Variants in SZT2 observed in about 807,000 individuals in gnomAD.
SZT2 encodes the protein SZT2 subunit of KICSTOR complex.
In SZT2, 216 loss-of-function variants were observed where a neutral mutation model predicts 404.2. That is an observed-to-expected ratio of 0.53 (90% CI 0.48 to 0.60). The LOEUF (loss-of-function observed/expected upper bound fraction) is 0.60, where lower values mean the gene tolerates loss of function less well. Among genes scored for constraint, SZT2 ranks in the 20% least tolerant of loss-of-function variants. The pLI, the probability that SZT2 is intolerant of heterozygous loss-of-function variation, is 0.00. For synonymous variants in SZT2, 1,693 were observed against 1,749.9 expected (o/e 0.97, Z 0.81); for missense variants, 3,857 against 4,459.2 (o/e 0.86, Z 3.85).
rs1249720523 is a variant in SZT2, at chr1:43,439,977, A to G, written c.7139A>G (p.Gln2380Arg). Residue 2380 changes from glutamine (Q) to arginine (R), a missense_variant, in exon 51 of 72, where the codon CAG becomes CGG. Gln to Arg is a conservative substitution (Grantham distance 43, BLOSUM62 1). Coordinates refer to ENST00000634258, the MANE Select transcript of SZT2 (RefSeq NM_001365999.1). The surrounding 1 kb of genome is among the most constrained non-coding windows in gnomAD (Gnocchi z 4.2). ...LEEKLRGAAR[Q>R]ALADAIIELQ... ...GAGAAACTCCGAGGAGCAGCTCGCCAGGCCCTGGCCGATGCCATCATCGAG... is the reference window on the plus strand; with the variant it reads ...GAGAAACTCCGAGGAGCAGCTCGCCGGGCCCTGGCCGATGCCATCATCGAG... 1.9e-6 allele frequency: 3 copies of G among 1,614,210 alleles called. No homozygotes were observed. Among genetic ancestry groups the G allele is most frequent in the Non-Finnish European group, 2.5e-6 (3 of 1,180,028 alleles).
Position 43,448,407 on chromosome 1 carries a change from C to T in SZT2, c.9892C>T (p.Arg3298Cys), listed in dbSNP as rs764177776. ...GCCTGATCGACTGCGGCTAGGGGGG[C>T]GCCTGGCCCTGGCAGAGCTGGAGGA... is the stretch of plus-strand genomic sequence containing the variant. ...PGPDRLRLGG[R>C]LALAELEELL... The change falls in exon 69 of 72, where the codon CGC (arginine) becomes TGC (cysteine). Residue 3298 changes from arginine to cysteine, a missense_variant. Arg to Cys is a radical substitution (Grantham distance 180). Transcript: ENST00000634258. This position sits in a 1 kb window ranked among gnomAD's most constrained non-coding sequence, Gnocchi z 4.2. 1.1e-5 allele frequency: 17 copies of T among 1,582,050 alleles called. No homozygotes were observed. The highest frequency in any genetic ancestry group is 4.5e-5 in the South Asian group (4 of 88,002).
At position 43,454,040 on chromosome 1, in the gene SZT2, C is replaced by A. The variant is rs1656767828; in HGVS notation, c.*3560C>A. The A allele has an allele frequency of 8.7e-7, 1 of 1,152,222 alleles. No homozygotes were observed. Among genetic ancestry groups the A allele is most frequent in the Non-Finnish European group, 1.1e-6 (1 of 937,914 alleles). 71.4% of individuals were successfully genotyped at this position (1,152,222 alleles called of 1,614,324 possible). On this transcript the variant is annotated 3_prime_UTR_variant, in exon 72 of 72. Coordinates refer to ENST00000634258, the MANE Select transcript of SZT2 (RefSeq NM_001365999.1). Reference sequence around the variant, plus strand: ...GGGCGGCCGGAAAAGGAGCAGGACCCGCGCCTGGAGAAGGTAGGGAGGCCG... The same window carrying A: ...GGGCGGCCGGAAAAGGAGCAGGACCAGCGCCTGGAGAAGGTAGGGAGGCCG...
chr1:43,406,942 A>G (rs1040311033), intron 4 of SZT2: 2 of 152,256 alleles, frequency 1.3e-5, no homozygotes, highest in African/African-American at 4.8e-5. Context: ...AGCCATAGGT[A>G]GCGGAGAACT....
intron 24 of SZT2, 42 bp downstream of exon 24, chr1:43,427,221 AC>A: frequency 6.2e-7 from 1 of 1,606,464 alleles, no homozygotes; most frequent in Non-Finnish European, 8.5e-7. Context: ...TCAGATACAA[AC>A]CCCTGAGCTC....
intron 1 of SZT2, among the ~76,000 whole-genome samples, chr1:43,401,214 T>TA (rs1212615084): frequency 6.6e-6 from 1 of 152,214 alleles, no homozygotes; most frequent in East Asian, 1.9e-4. Context: ...CTTGAACCGT[T>TA]ATGCCCAGCT....
At chr1:43,430,145 A>T in intron 30 of SZT2, 42 bp downstream of exon 30, 1 of 1,609,596 alleles carries the variant, frequency 6.2e-7, no homozygotes, top group Non-Finnish European at 8.5e-7. Flanking sequence ...CCCTCAACCC[A>T]GAGGCCCACC....
intron 1 of SZT2, among the ~76,000 whole-genome samples, chr1:43,397,720 G>A (rs1315461569): frequency 6.6e-6 from 1 of 151,954 alleles, no homozygotes; most frequent in Non-Finnish European, 1.5e-5. Context: ...GTAGAGGTGG[G>A]GTTTCGCCAC....
chr1:43,433,190 G>C lies in SZT2; in HGVS notation c.5804G>C (p.Arg1935Pro), dbSNP rs771676834. The change falls in exon 40 of 72, where the codon CGG becomes CCG. Residue 1935 changes from arginine (R) to proline (P), a missense_variant and splice_region_variant. Coordinates refer to ENST00000634258, the MANE Select transcript of SZT2 (RefSeq NM_001365999.1). ...QDRVEVYAHA[R>P]SLIREDGGPG... ...CGTGTGGAAGTGTATGCACATGCAC[G>C]GTAAGTAGAAGCCAGGGCCTGCACC... 4 of 1,613,086 alleles carry C rather than the reference G, an allele frequency of 2.5e-6. No homozygotes were observed. Among genetic ancestry groups the C allele is most frequent in the Non-Finnish European group, 3.4e-6 (4 of 1,179,928 alleles).
At chr1:43,403,409 T>A in intron 2 of SZT2, 107 bp downstream of exon 2, 1 of 1,488,712 alleles carries the variant, frequency 6.7e-7, no homozygotes, top group South Asian at 1.3e-5. Context: ...TAAGTCTGGT[T>A]AGGGCAAGGG....
rs1201378745 is a variant in SZT2 at position 43,432,522 on chromosome 1, G to A, written c.5448G>A (p.Leu1816=). Residue 1816 remains leucine (L), a synonymous_variant, in exon 38 of 72, where the codon CTG becomes CTA. Coordinates refer to ENST00000634258, the MANE Select transcript of SZT2 (RefSeq NM_001365999.1). ...DRAEGIEGET[L]TASPQAPGSP... is the part of the protein sequence containing the mutation. The stretch of plus-strand genomic sequence containing the variant: ...CCTGACTTCCTATTCCTCAGACCCT[G>A]ACAGCCAGCCCCCAAGCACCTGGGT... The A allele has an allele frequency of 3.1e-6, 5 of 1,605,254 alleles. No individual in the cohort carries two copies. The highest frequency in any genetic ancestry group is 2.7e-5 in the African/African-American group (2 of 74,654).
At chr1:43,427,816 G>A in intron 26 of SZT2, 82 bp downstream of exon 26, 2 of 1,509,128 alleles carry the variant, frequency 1.3e-6, no homozygotes, top group African/African-American at 1.4e-5. Flanking sequence ...ATAGGCGTGG[G>A]CAGGTAAGTT....
Position 43,437,055 on chromosome 1 carries a change from A to G in SZT2, c.6035-116A>G, listed in dbSNP as rs374864859. The G allele has an allele frequency of 2.2e-5, 29 of 1,327,228 alleles. No homozygotes were observed. The highest frequency in any genetic ancestry group is 2.3e-4 in the Middle Eastern group (1 of 4,264). The allele number at this position is 1,327,228 out of a possible 1,614,324, so 82.2% of individuals were successfully genotyped here. ...CCAGAATGATCATCATTTCTCTGCA[A>G]TAGTCAGGGATGAGTCTGGAGGAGT... On this transcript the variant is annotated intron_variant, in intron 42 of 71. Transcript: ENST00000634258. This position sits in a 1 kb window ranked among gnomAD's most constrained non-coding sequence, Gnocchi z 5.3.
At position 43,420,718 on chromosome 1, in the gene SZT2, C is replaced by G; in HGVS notation, c.1262-31C>G. On this transcript the variant is annotated intron_variant, in intron 9 of 71. Coordinates refer to ENST00000634258, the MANE Select transcript of SZT2 (RefSeq NM_001365999.1). The surrounding 1 kb of genome is among the most constrained non-coding windows in gnomAD (Gnocchi z 5.1). The stretch of plus-strand genomic sequence containing the variant: ...TCCCAGGCCTAGAGTCCTATGCCTT[C>G]TCCTAACTGGCCCTTCCGCTTCTCC... 6.3e-7 allele frequency: 1 copy of G among 1,590,396 alleles called. No individual in the cohort carries two copies. Among genetic ancestry groups the G allele is most frequent in the Non-Finnish European group, 8.5e-7 (1 of 1,173,022 alleles).
At chr1:43,433,267 T>C in intron 40 of SZT2, 77 bp downstream of exon 40, 1 of 1,500,168 alleles carries the variant, frequency 6.7e-7, no homozygotes, top group Non-Finnish European at 9.1e-7. Flanking sequence ...CTCTCTCCAG[T>C]GTTGTTAGAA....
In SZT2 at chr1:43,421,296, C is replaced by G; in HGVS notation, c.1619C>G (p.Thr540Ser). 1.3e-6 allele frequency: 2 copies of G among 1,598,504 alleles called. No individual in the cohort carries two copies. The highest frequency in any genetic ancestry group is 3.3e-5 in the Admixed American group (2 of 60,024). Residue 540 changes from threonine to serine, a missense_variant, in exon 11 of 72, where the codon ACC (threonine) becomes AGC (serine). Thr to Ser is a moderately conservative substitution (Grantham distance 58). Around this residue, in one of 7 missense-constraint regions of SZT2, gnomAD observed 39 missense variants for 89.7 expected, o/e 0.43. Transcript: ENST00000634258. ...CTCTTCTACATCCCTCCAGGCTCCA[C>G]CACCCCGGTGAGTAGCTCTGAAGTA... is the stretch of plus-strand genomic sequence containing the variant. ...VPLFYIPPGS[T>S]TPVLSLQPSG...
intron 4 of SZT2, chr1:43,404,888 G>A (rs1053307183): frequency 3.5e-5 from 7 of 198,914 alleles, no homozygotes; most frequent in Non-Finnish European, 6.0e-5. Context: ...TTGCTGATGC[G>A]CTGGCTCTGG....
chr1:43,407,516 C>CA (rs34259315), intron 4 of SZT2, among the ~76,000 whole-genome samples: 1,489 of 137,214 alleles, frequency 0.011, 5 homozygotes, highest in Middle Eastern at 0.04. Context: ...ACTCTGTCTC[C>CA]AAAAAAAAAA....
At chr1:43,445,005 C>T (rs1413189401) in intron 62 of SZT2, among the ~76,000 whole-genome samples, 2 of 152,164 alleles carry the variant, frequency 1.3e-5, no homozygotes, top group Non-Finnish European at 2.9e-5. Flanking sequence ...GGCGTGCCTG[C>T]CCCTCCTGTG....
chr1:43,425,681 G>A lies in SZT2; in HGVS notation c.2814+39G>A, dbSNP rs375213545. ...GAACAGTACCCGCACCTCTCTCACTGGATTGGGGTGCCATCTCTTTTGGAG... is the reference window on the plus strand; with the variant it reads ...GAACAGTACCCGCACCTCTCTCACTAGATTGGGGTGCCATCTCTTTTGGAG... On this transcript the variant is annotated intron_variant, in intron 19 of 71. Coordinates refer to ENST00000634258, the MANE Select transcript of SZT2 (RefSeq NM_001365999.1). The surrounding 1 kb of genome is among the most constrained non-coding windows in gnomAD (Gnocchi z 4.3). The A allele has an allele frequency of 6.2e-7, 1 of 1,608,464 alleles. No homozygotes were observed. The highest frequency in any genetic ancestry group is 1.1e-5 in the South Asian group (1 of 90,874).
Sources: gnomAD v4.1 joint callset for allele counts (sites outside exome capture counted in the v4.1 genomes callset) on GRCh38, gnomAD v4.1.1 for gene constraint, gnomAD v4.1.1 regional missense constraint, Gnocchi (gnomAD v3.1) non-coding constraint, MANE v1.5 for transcripts, NCBI Gene and HGNC (gene_info 2026-07-23, HGNC 2026-07-21) for gene names.